ITGBL1: variants seen among roughly 807,000 people sequenced by gnomAD.
ITGBL1 encodes integrin subunit beta like 1, also known as integrin beta-like protein 1.
ITGBL1 carries 51 observed loss-of-function variants against 68.5 expected under a neutral mutation model. That is an observed-to-expected ratio of 0.74 (90% CI 0.59 to 0.94). The LOEUF (loss-of-function observed/expected upper bound fraction) is 0.94, where lower values mean the gene tolerates loss of function less well. Among genes scored for constraint, ITGBL1 ranks in the 40% least tolerant of loss-of-function variants. ITGBL1 has a pLI of 0.00. For synonymous variants in ITGBL1, 209 were observed against 227.3 expected (o/e 0.92, Z 0.72); for missense variants, 649 against 647.4 (o/e 1.00, Z -0.03).
At chr13:101,553,740 C>T (rs1594886608) in intron 2 of ITGBL1, among the ~76,000 whole-genome samples, 1 of 151,870 alleles carries the variant, frequency 6.6e-6, no homozygotes, top group Non-Finnish European at 1.5e-5. Context: ...CCTTCATCTT[C>T]ACAAGGCATT....
chr13:101,600,524 A>C (rs2030299894), intron 7 of ITGBL1, among the ~76,000 whole-genome samples: 1 of 152,132 alleles, frequency 6.6e-6, no homozygotes. Flanking sequence ...CCAGTTTTCA[A>C]AGGGAATGCT....
At chr13:101,596,362 A>G (rs1011071242) in intron 6 of ITGBL1, among the ~76,000 whole-genome samples, 3 of 152,188 alleles carry the variant, frequency 2.0e-5, no homozygotes, top group Admixed American at 6.6e-5. Context: ...AATGTACAGC[A>G]TGGTTACTAT....
intron 7 of ITGBL1, among the ~76,000 whole-genome samples, chr13:101,670,785 T>C (rs1348552385): frequency 6.6e-6 from 1 of 152,196 alleles, no homozygotes; most frequent in African/African-American, 2.4e-5. Flanking sequence ...TTTAATATGT[T>C]GGGTTGTCTG....
chr13:101,505,472 G>A (rs76130583), intron 2 of ITGBL1, among the ~76,000 whole-genome samples: 243 of 152,260 alleles, frequency 1.6e-3, no homozygotes, highest in Non-Finnish European at 2.8e-3. Context: ...CCCTAAACAG[G>A]TTGTGGCTAA....
intron 2 of ITGBL1, among the ~76,000 whole-genome samples, chr13:101,544,266 C>G (rs928469719): frequency 6.6e-6 from 1 of 152,182 alleles, no homozygotes; most frequent in Non-Finnish European, 1.5e-5. Flanking sequence ...AGTTTTCCTT[C>G]TAACAGTCAG....
intron 7 of ITGBL1, among the ~76,000 whole-genome samples, chr13:101,687,652 T>C (rs983087838): frequency 7.2e-5 from 11 of 152,110 alleles, no homozygotes; most frequent in Non-Finnish European, 5.9e-5. Context: ...CAGTTCTTTA[T>C]GAAATGATAT....
rs1192467795 is a variant in ITGBL1 at position 101,515,731 on chromosome 13, T to G, written c.317-51968T>G. Among the ~76,000 whole-genome samples, 5 of 152,136 alleles carry G rather than the reference T, an allele frequency of 3.3e-5. No homozygotes were observed. The South Asian group carries it at 1.0e-3, about 32-fold the overall frequency. ...GTTGTAATTGACAGCGGAACAGACT[T>G]TGAAGTTTCTTTAGGAACTCTTTGA... is the stretch of plus-strand genomic sequence containing the variant. On this transcript the variant is annotated intron_variant, in intron 2 of 10. Transcript: ENST00000376180.
chr13:101,660,827 G>T (rs1200985650), intron 7 of ITGBL1, among the ~76,000 whole-genome samples: 1 of 152,150 alleles, frequency 6.6e-6, no homozygotes, highest in Non-Finnish European at 1.5e-5. Context: ...ATCTAAAAAT[G>T]CCTCCAAACA....
rs189550831 is a variant in ITGBL1, at chr13:101,644,950, T to C, written c.1015+46651T>C. Among the ~76,000 whole-genome samples, 579 of 152,292 alleles carry C rather than the reference T, an allele frequency of 3.8e-3. 2 individuals carry two copies. The highest frequency in any genetic ancestry group is 0.01 in the Middle Eastern group (3 of 294). On this transcript the variant is annotated intron_variant, in intron 7 of 10. Transcript: ENST00000376180. ...GATTTTAGATAGAAGATGAATGTCATCAAAATAAGCAGCAATGGAAAATAG... is the reference window on the plus strand; with the variant it reads ...GATTTTAGATAGAAGATGAATGTCACCAAAATAAGCAGCAATGGAAAATAG...
intron 2 of ITGBL1, among the ~76,000 whole-genome samples, chr13:101,543,609 G>T (rs2049755452): frequency 6.6e-6 from 1 of 152,080 alleles, no homozygotes; most frequent in African/African-American, 2.4e-5. Flanking sequence ...TGGCCTGCCT[G>T]GCTAGATTGG....
At chr13:101,613,595 A>G (rs1208170864) in intron 7 of ITGBL1, among the ~76,000 whole-genome samples, 1 of 152,156 alleles carries the variant, frequency 6.6e-6, no homozygotes, top group Admixed American at 6.6e-5. Context: ...GCCACATGAC[A>G]ACTCAGGGAA....
chr13:101,583,209 C>A lies in ITGBL1; in HGVS notation c.728-7C>A, dbSNP rs756620472. ...TGGATTCTTATAAAATTCTTCTTCCCACCTAGGGACTTGTGTATGTGGTGA... is the reference window on the plus strand; with the variant it reads ...TGGATTCTTATAAAATTCTTCTTCCAACCTAGGGACTTGTGTATGTGGTGA... On this transcript the variant is annotated splice_polypyrimidine_tract_variant and splice_region_variant and intron_variant, in intron 5 of 10. Transcript: ENST00000376180. 2.1e-5 allele frequency: 34 copies of A among 1,612,500 alleles called. No homozygotes were observed. Among genetic ancestry groups the A allele is most frequent in the Non-Finnish European group, 2.8e-5 (33 of 1,179,146 alleles).
chr13:101,661,433 A>T (rs1202294516), intron 7 of ITGBL1, among the ~76,000 whole-genome samples: 1 of 152,008 alleles, frequency 6.6e-6, no homozygotes, highest in Non-Finnish European at 1.5e-5. Context: ...TATCTTTTCC[A>T]CCTTTATGGC....
At chr13:101,522,112 T>C (rs2049295846) in intron 2 of ITGBL1, among the ~76,000 whole-genome samples, 1 of 152,080 alleles carries the variant, frequency 6.6e-6, no homozygotes, top group Non-Finnish European at 1.5e-5. Flanking sequence ...AAACACCAGC[T>C]CTATGAGATC....
chr13:101,597,285 G>C (rs573841641), intron 6 of ITGBL1, among the ~76,000 whole-genome samples: 1 of 151,780 alleles, frequency 6.6e-6, no homozygotes, highest in Non-Finnish European at 1.5e-5. Context: ...GTTTGTTAGC[G>C]TGCTCTATAA....
At chr13:101,581,875 G>A (rs1349518163) in intron 5 of ITGBL1, among the ~76,000 whole-genome samples, 2 of 152,048 alleles carry the variant, frequency 1.3e-5, no homozygotes, top group African/African-American at 2.4e-5. Flanking sequence ...GTACCATTTC[G>A]TACTCCCCTT....
At chr13:101,612,384 G>A (rs953707147) in intron 7 of ITGBL1, among the ~76,000 whole-genome samples, 2 of 152,102 alleles carry the variant, frequency 1.3e-5, no homozygotes, top group African/African-American at 4.8e-5. Context: ...GTTAACCAAA[G>A]GAAGTTAAAA....
At chr13:101,521,873 C>T (rs763935080) in intron 2 of ITGBL1, among the ~76,000 whole-genome samples, 4 of 150,964 alleles carry the variant, frequency 2.6e-5, no homozygotes, top group Non-Finnish European at 5.9e-5. Flanking sequence ...AACAGAAATT[C>T]ATTTTCTCAT....
chr13:101,527,732 A>G (rs575459353), intron 2 of ITGBL1, among the ~76,000 whole-genome samples: 1 of 152,152 alleles, frequency 6.6e-6, no homozygotes, highest in African/African-American at 2.4e-5. Context: ...TTTCACTGAT[A>G]TCAAATTTCA....
Sources: allele counts gnomAD v4.1 joint callset (sites outside exome capture counted in the v4.1 genomes callset), GRCh38; gene constraint gnomAD v4.1.1; transcripts MANE v1.5; gene names NCBI Gene and HGNC (gene_info 2026-07-23, HGNC 2026-07-21).